Variants in PBX1 observed in about 807,000 individuals in gnomAD.
PBX1 encodes the protein PBX homeobox 1.
In PBX1, 6 loss-of-function variants were observed where a neutral mutation model predicts 53.4. The ratio of observed to expected loss-of-function variants is 0.11; its 90% CI spans 0.06 to 0.22. The LOEUF (loss-of-function observed/expected upper bound fraction) is 0.22. PBX1 is among the 10% of genes least tolerant of loss of function. The pLI is 1.00. For synonymous variants in PBX1, 204 were observed against 212.3 expected, an observed-to-expected ratio of 0.96 and a Z score of 0.34; for missense variants, 251 against 551.4, an observed-to-expected ratio of 0.46 and a Z score of 5.46.
At chr1:164,716,876 C>A (rs1664129351) in intron 2 of PBX1, among the ~76,000 whole-genome samples, 1 of 152,108 alleles carries the variant, frequency 6.6e-6, no homozygotes, top group Non-Finnish European at 1.5e-5. Flanking sequence ...CAACATGGAA[C>A]ATAATTAAAA....
intron 8 of PBX1, among the ~76,000 whole-genome samples, chr1:164,833,946 T>C (rs1304707758): frequency 6.6e-6 from 1 of 151,776 alleles, no homozygotes; most frequent in Non-Finnish European, 1.5e-5. Context: ...CTCCAACTTA[T>C]TTATATTGCA....
intron 2 of PBX1, among the ~76,000 whole-genome samples, chr1:164,768,568 T>C (rs992902291): frequency 6.6e-6 from 1 of 152,258 alleles, no homozygotes; most frequent in Non-Finnish European, 1.5e-5. Context: ...GGCTTTCCAT[T>C]GTGTGAAACC....
intron 2 of PBX1, among the ~76,000 whole-genome samples, chr1:164,696,726 A>G (rs1462485048): frequency 6.6e-6 from 1 of 152,138 alleles, no homozygotes; most frequent in African/African-American, 2.4e-5. Flanking sequence ...GAATGTTGTG[A>G]TAACTTCTGT....
At chr1:164,739,222 C>T (rs1041115847) in intron 2 of PBX1, among the ~76,000 whole-genome samples, 2 of 152,194 alleles carry the variant, frequency 1.3e-5, no homozygotes, top group Non-Finnish European at 2.9e-5. Flanking sequence ...GACGTACACT[C>T]GCCTGCGATC....
intron 2 of PBX1, among the ~76,000 whole-genome samples, chr1:164,694,776 G>A (rs561428302): frequency 3.3e-5 from 5 of 152,242 alleles, no homozygotes; most frequent in African/African-American, 1.2e-4. Flanking sequence ...AGCATTTAAT[G>A]AACACTTTAT....
At chr1:164,775,422 C>T (rs926173534) in intron 2 of PBX1, among the ~76,000 whole-genome samples, 6 of 152,050 alleles carry the variant, frequency 3.9e-5, no homozygotes, top group Non-Finnish European at 7.4e-5. Context: ...GAAGAGTGCC[C>T]GACCACAGGG....
intron 2 of PBX1, among the ~76,000 whole-genome samples, chr1:164,744,983 A>T (rs976828063): frequency 3.9e-5 from 6 of 152,276 alleles, no homozygotes; most frequent in African/African-American, 1.4e-4. Flanking sequence ...TTACAAGGTA[A>T]TGTTTTTATT....
At chr1:164,769,511 G>A (rs966245744) in intron 2 of PBX1, among the ~76,000 whole-genome samples, 1 of 152,090 alleles carries the variant, frequency 6.6e-6, no homozygotes, top group Non-Finnish European at 1.5e-5. Flanking sequence ...TTATTAAATG[G>A]GCCCGGTAGA....
Position 164,724,670 on chromosome 1 carries a change from ATTTTTTTTTTTTTTTTTTTTTTT to A in PBX1, c.266-67807_266-67785del, listed in dbSNP as rs59042806. Among the ~76,000 whole-genome samples, 45 of 48,228 alleles carry A rather than the reference ATTTTTTTTTTTTTTTTTTTTTTT, an allele frequency of 9.3e-4. 1 individual carries two copies. The highest frequency in any genetic ancestry group is 4.8e-3 in the South Asian group (7 of 1,446). The allele number at this position is 48,228 out of a possible 152,430, so 31.6% of individuals were successfully genotyped here. A position where few individuals can be genotyped will look rare whatever the true frequency, so the allele number is the denominator to read the frequency against. ...CAGATGCCCATTGCAATAGCTGCAG[ATTTTTTTTTTTTTTTTTTTTTTT>A]TTTTTTTTTTTTTTTTAGTGCCCAT... is the stretch of plus-strand genomic sequence containing the variant. On this transcript the variant is annotated intron_variant, in intron 2 of 8. Coordinates refer to ENST00000420696, the MANE Select transcript of PBX1 (RefSeq NM_002585.4).
intron 2 of PBX1, among the ~76,000 whole-genome samples, chr1:164,858,759 G>T (rs966053508): frequency 2.6e-5 from 4 of 152,174 alleles, no homozygotes; most frequent in Non-Finnish European, 5.9e-5. Context: ...CTCATCTTAA[G>T]AAAATTTAGA....
chr1:164,779,782 A>C (rs1186526167), intron 2 of PBX1, among the ~76,000 whole-genome samples: 3 of 152,176 alleles, frequency 2.0e-5, no homozygotes, highest in Non-Finnish European at 4.4e-5. Flanking sequence ...AAGTGCCATC[A>C]ACAAGGTGCC....
chr1:164,685,832 A>C (rs1662061207), intron 2 of PBX1, among the ~76,000 whole-genome samples: 1 of 152,200 alleles, frequency 6.6e-6, no homozygotes, highest in African/African-American at 2.4e-5. Context: ...AGTGCATTCT[A>C]TACACACAGG....
At position 164,848,109 on chromosome 1, in the gene PBX1, GAGGACCTGAGAATCATGGGGAAA is replaced by G. The variant is rs781642115; in HGVS notation, c.*1434_*1456del. ...ATGTGAACTTTTGCTAGCTTCATTT[GAGGACCTGAGAATCATGGGGAAA>G]GGGAAGGTAATGTTTTCATTGAAAT... On this transcript the variant is annotated 3_prime_UTR_variant, in exon 9 of 9. Coordinates refer to ENST00000420696, the MANE Select transcript of PBX1 (RefSeq NM_002585.4). 8.6e-6 allele frequency: 9 copies of G among 1,051,932 alleles called. No individual in the cohort carries two copies. Among genetic ancestry groups the G allele is most frequent in the African/African-American group, 1.7e-5 (1 of 60,318 alleles). The allele number at this position is 1,051,932 out of a possible 1,614,324, so 65.2% of individuals were successfully genotyped here.
intron 2 of PBX1, among the ~76,000 whole-genome samples, chr1:164,758,397 A>C (rs1666636033): frequency 6.6e-6 from 1 of 152,194 alleles, no homozygotes; most frequent in African/African-American, 2.4e-5. Context: ...TGCGAGCTGC[A>C]GGCCGACTCT....
chr1:164,790,502 C>G (rs1347099812), intron 2 of PBX1, among the ~76,000 whole-genome samples: 1 of 152,152 alleles, frequency 6.6e-6, no homozygotes, highest in Non-Finnish European at 1.5e-5. Flanking sequence ...AGGCTTCCTT[C>G]TTTTCTCCTT....
chr1:164,714,665 T>G (rs1434020119), intron 2 of PBX1, among the ~76,000 whole-genome samples: 2 of 152,250 alleles, frequency 1.3e-5, no homozygotes, highest in African/African-American at 4.8e-5. Flanking sequence ...ACAATTCATA[T>G]TAAACGTCAT....
chr1:164,840,898 C>T (rs1027889579), intron 8 of PBX1, among the ~76,000 whole-genome samples: 3 of 152,078 alleles, frequency 2.0e-5, no homozygotes, highest in African/African-American at 7.2e-5. Flanking sequence ...GGATCTCATG[C>T]CATATGTCTC....
At chr1:164,683,228 A>T (rs1361058275) in intron 2 of PBX1, 1 of 152,180 alleles carries the variant, frequency 6.6e-6, no homozygotes, top group East Asian at 1.9e-4. Flanking sequence ...TTTTCATTTG[A>T]TCCCAAGTGG....
chr1:164,646,568 C>T (rs1039740745), intron 2 of PBX1, among the ~76,000 whole-genome samples: 1 of 152,222 alleles, frequency 6.6e-6, no homozygotes, highest in Admixed American at 6.5e-5. Context: ...TCCATTATTC[C>T]TTGTTTCTGA....
Sources: allele counts gnomAD v4.1 joint callset (sites outside exome capture counted in the v4.1 genomes callset), GRCh38; gene constraint gnomAD v4.1.1; transcripts MANE v1.5; gene names NCBI Gene and HGNC (gene_info 2026-07-23, HGNC 2026-07-21).